Variants in TBC1D15 observed in about 807,000 individuals in gnomAD.
TBC1D15 encodes GAP for RAB7.
Under a neutral mutation model 95.4 loss-of-function variants are expected in TBC1D15, and 39 were observed. The ratio of observed to expected loss-of-function variants is 0.41; its 90% CI spans 0.32 to 0.53. TBC1D15 has a LOEUF of 0.53. Among genes scored for constraint, TBC1D15 ranks in the 20% least tolerant of loss-of-function variants. TBC1D15 has a pLI of 0.29. For missense variants in TBC1D15, 733 were observed against 794.3 expected (o/e 0.92, Z 0.93); for synonymous variants, 258 against 261.3 (o/e 0.99, Z 0.12).
At chr12:71,888,136 G>A (rs1213933835) in intron 5 of TBC1D15, among the ~76,000 whole-genome samples, 2 of 152,190 alleles carry the variant, frequency 1.3e-5, no homozygotes, top group African/African-American at 2.4e-5. Context: ...CGTGAGAGTA[G>A]CAAGTGAAAG....
chr12:71,911,738 C>T (rs183963714), intron 11 of TBC1D15, among the ~76,000 whole-genome samples: 158 of 132,210 alleles, frequency 1.2e-3, no homozygotes, highest in South Asian at 1.5e-3. Flanking sequence ...CTAACCTGCA[C>T]ATTGTGCACA....
intron 10 of TBC1D15, among the ~76,000 whole-genome samples, chr12:71,905,014 A>G (rs948241028): frequency 6.6e-6 from 1 of 152,196 alleles, no homozygotes; most frequent in African/African-American, 2.4e-5. Flanking sequence ...GTTGGATTTA[A>G]TAAGAGGTTT....
chr12:71,901,718 T>G (rs1033394354), intron 10 of TBC1D15, among the ~76,000 whole-genome samples: 6 of 152,046 alleles, frequency 3.9e-5, no homozygotes, highest in Non-Finnish European at 8.8e-5. Context: ...GGATACCCAC[T>G]CTGACACTTT....
chr12:71,847,288 T>A (rs1886530894), intron 1 of TBC1D15, among the ~76,000 whole-genome samples: 1 of 152,230 alleles, frequency 6.6e-6, no homozygotes, highest in African/African-American at 2.4e-5. Flanking sequence ...TAGAACTTTA[T>A]ATAAATGGAA....
At chr12:71,849,316 G>A in intron 1 of TBC1D15, 1 of 1,091,848 alleles carries the variant, frequency 9.2e-7, no homozygotes, top group Non-Finnish European at 1.4e-6. Flanking sequence ...AATCTTTTTA[G>A]GTAAGGAGGC....
intron 5 of TBC1D15, among the ~76,000 whole-genome samples, chr12:71,889,574 A>G (rs975224357): frequency 3.9e-5 from 6 of 152,212 alleles, no homozygotes; most frequent in Admixed American, 2.0e-4. Flanking sequence ...CCAAGTAAAT[A>G]TTCACCAGTA....
intron 4 of TBC1D15, among the ~76,000 whole-genome samples, chr12:71,882,418 G>T (rs1895388869): frequency 1.3e-5 from 2 of 152,148 alleles, no homozygotes; most frequent in Admixed American, 1.3e-4. Flanking sequence ...TTACTGAACT[G>T]TTCTGCTCTT....
At chr12:71,851,878 A>C (rs150829711) in intron 1 of TBC1D15, among the ~76,000 whole-genome samples, 69 of 152,140 alleles carry the variant, frequency 4.5e-4, no homozygotes, top group Middle Eastern at 6.8e-3. Flanking sequence ...TGAGAGTGCA[A>C]GCTCTTGGTG....
intron 5 of TBC1D15, among the ~76,000 whole-genome samples, chr12:71,887,117 C>T (rs947590701): frequency 2.6e-5 from 4 of 151,942 alleles, no homozygotes; most frequent in Non-Finnish European, 5.9e-5. Context: ...ATGTGGTATT[C>T]TGTGAGTAAG....
At chr12:71,858,232 A>G (rs979026438) in intron 1 of TBC1D15, among the ~76,000 whole-genome samples, 11 of 151,698 alleles carry the variant, frequency 7.3e-5, no homozygotes, top group African/African-American at 2.7e-4. Context: ...ACCACCACGC[A>G]TGGCTTATTT....
At chr12:71,917,845 C>A in intron 13 of TBC1D15, 48 bp downstream of exon 13, 2 of 1,251,518 alleles carry the variant, frequency 1.6e-6, no homozygotes, top group Admixed American at 1.8e-5. Context: ...TAGAGTAATG[C>A]ATAGAAAAAA....
At chr12:71,843,673 C>A (rs1885622641) in intron 1 of TBC1D15, among the ~76,000 whole-genome samples, 1 of 151,976 alleles carries the variant, frequency 6.6e-6, no homozygotes. Flanking sequence ...ATTTTTGGGA[C>A]AGTCTTGCTC....
intron 1 of TBC1D15, among the ~76,000 whole-genome samples, chr12:71,840,148 A>G (rs1884565396): frequency 6.6e-6 from 1 of 151,902 alleles, no homozygotes; most frequent in Non-Finnish European, 1.5e-5. Flanking sequence ...CTAGTTCTTT[A>G]TGTCTACTCT....
intron 12 of TBC1D15, among the ~76,000 whole-genome samples, chr12:71,914,863 T>A (rs1903303212): frequency 1.3e-5 from 2 of 152,022 alleles, no homozygotes. Context: ...ATTCTTTCCC[T>A]TTTGCTTGCC....
chr12:71,896,450 T>G (rs563795292), intron 8 of TBC1D15: 2 of 263,894 alleles, frequency 7.6e-6, no homozygotes, highest in Non-Finnish European at 1.2e-5. Context: ...TGTAGTCTAC[T>G]GTATTCTGTA....
At position 71,896,050 on chromosome 12, in the gene TBC1D15, A is replaced by G; in HGVS notation, c.959A>G (p.Asn320Ser). ...DSEGRILNVD[N>S]MKQMIFRGGL... ...GAAGGAAGAATTTTAAATGTAGATAATATGAAGCAGATGATATTTAGAGGG... is the reference window on the plus strand; with the variant it reads ...GAAGGAAGAATTTTAAATGTAGATAGTATGAAGCAGATGATATTTAGAGGG... The change falls in exon 8 of 17, where the codon AAT (asparagine) becomes AGT (serine). Residue 320 changes from asparagine to serine, a missense_variant. Asn to Ser is a conservative substitution (Grantham distance 46). Coordinates refer to ENST00000485960, the MANE Select transcript of TBC1D15 (RefSeq NM_001146213.3). 1 of 1,611,074 alleles carries G rather than the reference A, an allele frequency of 6.2e-7. No individual in the cohort carries two copies. The highest frequency in any genetic ancestry group is 8.5e-7 in the Non-Finnish European group (1 of 1,177,706).
intron 1 of TBC1D15, among the ~76,000 whole-genome samples, chr12:71,855,818 A>G (rs1888924989): frequency 6.6e-6 from 1 of 151,826 alleles, no homozygotes; most frequent in Admixed American, 6.6e-5. Context: ...ATTAAAACAT[A>G]GCTATTGTGT....
chr12:71,872,315 T>C (rs1161005297), intron 2 of TBC1D15, 147 bp downstream of exon 2: 1 of 487,344 alleles, frequency 2.1e-6, no homozygotes, highest in Admixed American at 4.0e-5. Flanking sequence ...AATGATGTAA[T>C]AGTCAAACAC....
At chr12:71,852,774 TC>T (rs1284161324) in intron 1 of TBC1D15, among the ~76,000 whole-genome samples, 1 of 152,138 alleles carries the variant, frequency 6.6e-6, no homozygotes, top group Non-Finnish European at 1.5e-5. Context: ...TCCCAGTAGT[TC>T]CTCATTTCCA....
Sources: gnomAD v4.1 joint callset for allele counts (sites outside exome capture counted in the v4.1 genomes callset) on GRCh38, gnomAD v4.1.1 for gene constraint, MANE v1.5 for transcripts, NCBI Gene and HGNC (gene_info 2026-07-23, HGNC 2026-07-21) for gene names.